The following PHACTR1 variants were observed in gnomAD, a reference collection of about 807,000 sequenced individuals.
The protein encoded by PHACTR1 is RPEL repeat containing 1.
A neutral mutation model predicts 69.2 loss-of-function variants in PHACTR1; 16 were observed. That is an observed-to-expected ratio of 0.23 (90% CI 0.16 to 0.35). PHACTR1 has a LOEUF of 0.35. Among genes scored for constraint, PHACTR1 ranks in the 10% least tolerant of loss-of-function variants. The pLI is 1.00. For synonymous variants in PHACTR1, 312 were observed against 284.5 expected, an observed-to-expected ratio of 1.10 and a Z score of -0.97; for missense variants, 510 against 734.7, an observed-to-expected ratio of 0.69 and a Z score of 3.54.
At chr6:13,084,889 G>A (rs538971241) in intron 5 of PHACTR1, among the ~76,000 whole-genome samples, 1 of 152,210 alleles carries the variant, frequency 6.6e-6, no homozygotes, top group African/African-American at 2.4e-5. Flanking sequence ...ACTTAAACCA[G>A]TGAAGAGGGA....
chr6:13,069,394 C>T (rs1809169983), intron 5 of PHACTR1, among the ~76,000 whole-genome samples: 2 of 152,020 alleles, frequency 1.3e-5, no homozygotes, highest in Admixed American at 1.3e-4. Context: ...TCTGATGGCT[C>T]CCGTCATCAG....
chr6:13,040,752 CCA>C (rs1444285829), intron 4 of PHACTR1, among the ~76,000 whole-genome samples: 28 of 152,102 alleles, frequency 1.8e-4, no homozygotes, highest in African/African-American at 5.8e-4. Flanking sequence ...TAATGAGCAC[CCA>C]CAAAATGCCA....
At position 12,749,805 on chromosome 6, in the gene PHACTR1, G is replaced by A; in HGVS notation, c.250+15G>A. ...CCTGGGGGCAGGTAAGAACGCCCCT[G>A]GCGCCGCGCCCCCGCCCCCGCCCTG... On this transcript the variant is annotated intron_variant, in intron 4 of 14. Coordinates refer to ENST00000332995, the MANE Select transcript of PHACTR1 (RefSeq NM_030948.6). 6.4e-7 allele frequency: 1 copy of A among 1,572,670 alleles called. No individual in the cohort carries two copies. The highest frequency in any genetic ancestry group is 8.6e-7 in the Non-Finnish European group (1 of 1,160,566).
At chr6:12,817,839 T>C (rs928595255) in intron 4 of PHACTR1, among the ~76,000 whole-genome samples, 2 of 151,828 alleles carry the variant, frequency 1.3e-5, no homozygotes, top group Non-Finnish European at 1.5e-5. Flanking sequence ...TTTTTTTTTT[T>C]TTGAGATGGA....
intron 4 of PHACTR1, among the ~76,000 whole-genome samples, chr6:12,797,040 T>TGTGTGTGTGTGTGTGTGTGTGAGA (rs563796658): frequency 7.5e-6 from 1 of 133,320 alleles, no homozygotes; most frequent in Non-Finnish European, 1.6e-5. Context: ...TGTGTGTGTG[T>TGTGTGTGTGTGTGTGTGTGTGAGA]GAGAGAGAGA....
intron 5 of PHACTR1, among the ~76,000 whole-genome samples, chr6:13,135,413 A>T (rs945829417): frequency 4.6e-5 from 7 of 152,218 alleles, no homozygotes; most frequent in African/African-American, 7.2e-5. Flanking sequence ...TGCACCCCGG[A>T]TGCAGACTCC....
intron 4 of PHACTR1, among the ~76,000 whole-genome samples, chr6:12,906,906 A>G (rs1785797591): frequency 6.6e-6 from 1 of 152,180 alleles, no homozygotes; most frequent in Non-Finnish European, 1.5e-5. Flanking sequence ...TGGACAGCAC[A>G]CTTGAAGGAT....
chr6:12,873,483 A>G (rs115051149), intron 4 of PHACTR1, among the ~76,000 whole-genome samples: 56 of 152,278 alleles, frequency 3.7e-4, no homozygotes, highest in African/African-American at 1.1e-3. Flanking sequence ...ATATAAACAC[A>G]TAAGTGCGTT....
intron 5 of PHACTR1, among the ~76,000 whole-genome samples, chr6:13,060,682 A>G (rs998577847): frequency 5.3e-5 from 8 of 152,190 alleles, no homozygotes; most frequent in Admixed American, 1.3e-4. Flanking sequence ...GAGTTTGTCT[A>G]GGTAATAAGC....
chr6:12,746,819 T>A (rs1388427941), intron 3 of PHACTR1, among the ~76,000 whole-genome samples: 1 of 151,950 alleles, frequency 6.6e-6, no homozygotes, highest in East Asian at 1.9e-4. Context: ...TTATCATTTT[T>A]CCAGAGACAT....
At chr6:12,828,702 T>C (rs1777073610) in intron 4 of PHACTR1, among the ~76,000 whole-genome samples, 1 of 152,120 alleles carries the variant, frequency 6.6e-6, no homozygotes. Flanking sequence ...TGTATTGCTT[T>C]TGTAATAAAC....
chr6:13,204,729 T>C (rs1020797954), intron 7 of PHACTR1, among the ~76,000 whole-genome samples: 1 of 152,200 alleles, frequency 6.6e-6, no homozygotes, highest in Non-Finnish European at 1.5e-5. Flanking sequence ...CTCTCACTCC[T>C]GCCCCACTCG....
chr6:12,908,822 C>T (rs923809100), intron 4 of PHACTR1, among the ~76,000 whole-genome samples: 8 of 152,174 alleles, frequency 5.3e-5, no homozygotes, highest in African/African-American at 1.9e-4. Context: ...GGCAGGAAGC[C>T]GCACATCTCC....
chr6:13,268,213 G>C (rs543779794), intron 10 of PHACTR1, among the ~76,000 whole-genome samples: 4 of 152,350 alleles, frequency 2.6e-5, no homozygotes, highest in Admixed American at 1.3e-4. Flanking sequence ...GTTGCAGTGA[G>C]CTGAGATTGT....
intron 4 of PHACTR1, among the ~76,000 whole-genome samples, chr6:13,004,584 G>A (rs920394841): frequency 6.6e-6 from 1 of 152,132 alleles, no homozygotes; most frequent in Non-Finnish European, 1.5e-5. Context: ...GGATACATGT[G>A]CAGAACATGC....
intron 4 of PHACTR1, among the ~76,000 whole-genome samples, chr6:12,990,227 C>T (rs1162468136): frequency 6.6e-6 from 1 of 152,172 alleles, no homozygotes; most frequent in African/African-American, 2.4e-5. Context: ...ACCCTTACAC[C>T]CCGTTTCTTC....
intron 4 of PHACTR1, among the ~76,000 whole-genome samples, chr6:12,936,746 C>A (rs183872706): frequency 6.6e-6 from 1 of 152,216 alleles, no homozygotes; most frequent in African/African-American, 2.4e-5. Context: ...CAAGAATTAG[C>A]TCCTTTGAGA....
In PHACTR1 at chr6:13,010,276, C is replaced by T. The variant is rs1005667990; in HGVS notation, c.251-43089C>T. Among the ~76,000 whole-genome samples the T allele has an allele frequency of 3.4e-4, 52 of 152,026 alleles. 1 individual carries two copies. The highest frequency in any genetic ancestry group is 1.1e-3 in the African/African-American group (44 of 41,362). ...CCGAGTAGCTGGGATTACAGGTTCG[C>T]GCCACCACACCCAGCTAATTTTTGT... On this transcript the variant is annotated intron_variant, in intron 4 of 14. Coordinates refer to ENST00000332995, the MANE Select transcript of PHACTR1 (RefSeq NM_030948.6).
chr6:13,135,329 G>T (rs1435574774), intron 5 of PHACTR1, among the ~76,000 whole-genome samples: 2 of 152,166 alleles, frequency 1.3e-5, no homozygotes, highest in South Asian at 4.1e-4. Flanking sequence ...ATTTGGAACC[G>T]CCCTGTCATT....
Sources: allele counts gnomAD v4.1 joint callset (sites outside exome capture counted in the v4.1 genomes callset), GRCh38; gene constraint gnomAD v4.1.1; transcripts MANE v1.5; gene names NCBI Gene and HGNC (gene_info 2026-07-23, HGNC 2026-07-21).